The following SNX19 variants were observed in gnomAD, a reference collection of about 807,000 sequenced individuals.
SNX19 encodes sorting nexin 19.
SNX19 carries 60 observed loss-of-function variants against 85.2 expected under a neutral mutation model. That is an observed-to-expected ratio of 0.70 (90% CI 0.57 to 0.87). The LOEUF is 0.87. Among genes scored for constraint, SNX19 ranks in the 40% least tolerant of loss-of-function variants. The probability of loss-of-function intolerance (pLI) is 0.00; values close to 1 mark genes in which losing one functional copy is unlikely to be tolerated. For missense variants in SNX19, 1,201 were observed against 1,217.8 expected, an observed-to-expected ratio of 0.99 and a Z score of 0.21; for synonymous variants, 520 against 470.0, an observed-to-expected ratio of 1.11 and a Z score of -1.38.
intron 8 of SNX19, among the ~76,000 whole-genome samples, chr11:130,889,577 C>A (rs944013833): frequency 3.9e-5 from 6 of 152,154 alleles, no homozygotes; most frequent in African/African-American, 1.4e-4. Context: ...TCTGTTCTTA[C>A]AGCATGTAAA....
chr11:130,877,603 A>C lies in SNX19; in HGVS notation c.*819T>G, dbSNP rs1233646522. ...CTTGTCATGCAGTTTTGCTGAAGAC[A>C]GAGAGAGGGTCAAAAATTCAAAAAC... is the stretch of plus-strand genomic sequence containing the variant. On this transcript the variant is annotated 3_prime_UTR_variant, in exon 11 of 11. Transcript: ENST00000265909. 5.9e-5 allele frequency: 9 copies of C among 152,592 alleles called. No individual in the cohort carries two copies. Among genetic ancestry groups the C allele is most frequent in the African/African-American group, 2.2e-4 (9 of 41,458 alleles). 9.5% of individuals were successfully genotyped at this position (152,592 alleles called of 1,614,324 possible). A position where few individuals can be genotyped will look rare whatever the true frequency, so the allele number is the denominator to read the frequency against.
chr11:130,906,940 A>G lies in SNX19; in HGVS notation c.2166-219T>C, dbSNP rs184518903. ...ATAGATAATGTTAACGCATACACTA[A>G]GCTATGTCTACAGTGCACTTGTGAA... On this transcript the variant is annotated intron_variant, in intron 5 of 10. Transcript: ENST00000265909. Among the ~76,000 whole-genome samples the G allele has an allele frequency of 4.6e-5, 7 of 152,368 alleles. No homozygotes were observed. In the East Asian group the frequency reaches 1.2e-3, roughly 25 times the overall value.
At chr11:130,878,837 A>G (rs1035175704) in intron 10 of SNX19, among the ~76,000 whole-genome samples, 1 of 152,242 alleles carries the variant, frequency 6.6e-6, no homozygotes, top group East Asian at 1.9e-4. Context: ...GAACTGTGAT[A>G]ACAAATCCTT....
chr11:130,890,153 G>A (rs1185500193), intron 8 of SNX19, among the ~76,000 whole-genome samples: 1 of 152,100 alleles, frequency 6.6e-6, no homozygotes, highest in Non-Finnish European at 1.5e-5. Context: ...TCTGCAAGGT[G>A]GAAAACTGTG....
intron 7 of SNX19, among the ~76,000 whole-genome samples, chr11:130,904,694 A>ATTTTTTTTTTTTTTTTTTTT (rs34208870): frequency 6.7e-6 from 1 of 148,776 alleles, no homozygotes. Context: ...AAAATGGTAG[A>ATTTTTTTTTTTTTTTTTTTT]TTTTTTTTTG....
chr11:130,879,456 TAG>T (rs3831404), intron 10 of SNX19, among the ~76,000 whole-genome samples, 166 bp downstream of exon 10: 93,658 of 151,772 alleles, frequency 0.62, 29,818 homozygotes, highest in African/African-American at 0.77. Context: ...GGATTTTACT[TAG>T]AGTGTGTGGA....
At position 130,889,662 on chromosome 11, in the gene SNX19, C is replaced by G. The variant is rs1232121046; in HGVS notation, c.2574-8856G>C. On this transcript the variant is annotated intron_variant, in intron 8 of 10. Coordinates refer to ENST00000265909, the MANE Select transcript of SNX19 (RefSeq NM_014758.3). ...TCTATCTCTGCTTTCCTTTCTGTGT[C>G]AGCTGTTTTTCTCAATATCCAGTTT... Among the ~76,000 whole-genome samples the G allele has an allele frequency of 2.0e-5, 3 of 152,102 alleles. No individual in the cohort carries two copies. The East Asian group carries it at 5.8e-4, about 29-fold the overall frequency.
rs1354797916 is a variant in SNX19, at chr11:130,876,471, CAA to C, written c.*1949_*1950del. ...AATAAGTTCTTTGGGCTGGAAGTGT[CAA>C]AAGATTCCTTAGAATTTATAGCCAC... On this transcript the variant is annotated 3_prime_UTR_variant, in exon 11 of 11. Coordinates refer to ENST00000265909, the MANE Select transcript of SNX19 (RefSeq NM_014758.3). The C allele has an allele frequency of 2.0e-5, 3 of 152,518 alleles. No homozygotes were observed. Among genetic ancestry groups the C allele is most frequent in the African/African-American group, 7.3e-5 (3 of 41,372 alleles). 9.4% of individuals were successfully genotyped at this position (152,518 alleles called of 1,614,324 possible). A position where few individuals can be genotyped will look rare whatever the true frequency, so the allele number is the denominator to read the frequency against.
chr11:130,880,834 G>C, intron 8 of SNX19, 28 bp from the exon 9 acceptor site: 1 of 1,513,774 alleles, frequency 6.6e-7, no homozygotes, highest in Non-Finnish European at 9.0e-7. Context: ...CGAAAGCTTA[G>C]ATAAAGCTGA....
At chr11:130,891,213 A>G (rs572666010) in intron 8 of SNX19, among the ~76,000 whole-genome samples, 7 of 152,260 alleles carry the variant, frequency 4.6e-5, no homozygotes, top group Admixed American at 2.0e-4. Context: ...TTTCCTAATA[A>G]TCTTTTGTTT....
In SNX19 at chr11:130,878,410, G is replaced by A. The variant is rs376090100; in HGVS notation, c.*12C>T. On this transcript the variant is annotated 3_prime_UTR_variant, in exon 11 of 11. Transcript: ENST00000265909. ...TACTTCCCTGACCTGGGAAGAAGGC[G>A]TGAATAACCAGCTAAGAGGAGACAC... The A allele has an allele frequency of 1.2e-5, 20 of 1,612,320 alleles. No homozygotes were observed. The highest frequency in any genetic ancestry group is 8.8e-5 in the South Asian group (8 of 90,882).
chr11:130,883,670 T>C (rs1209902230), intron 8 of SNX19, among the ~76,000 whole-genome samples: 1 of 152,024 alleles, frequency 6.6e-6, no homozygotes, highest in Non-Finnish European at 1.5e-5. Context: ...TGCCCACCCT[T>C]CCCCCTGTCA....
At chr11:130,901,651 G>T (rs1389251590) in intron 8 of SNX19, among the ~76,000 whole-genome samples, 1 of 152,174 alleles carries the variant, frequency 6.6e-6, no homozygotes, top group Non-Finnish European at 1.5e-5. Context: ...AGTAAGAAAG[G>T]AGGTGGAATT....
intron 7 of SNX19, among the ~76,000 whole-genome samples, chr11:130,904,744 T>C (rs1257859117): frequency 1.3e-5 from 2 of 151,674 alleles, no homozygotes; most frequent in Non-Finnish European, 2.9e-5. Context: ...CTCTCAGAGA[T>C]AGAAGAAGGG....
At chr11:130,911,797 T>A in intron 1 of SNX19, 26 bp from the exon 2 acceptor site, 1 of 1,609,146 alleles carries the variant, frequency 6.2e-7, no homozygotes, top group Non-Finnish European at 8.5e-7. Context: ...ATTGATTGAC[T>A]CAATCAGCCG....
rs370992917 is a variant in SNX19, at chr11:130,878,397, C to G, written c.*25G>C. 1 of 1,610,710 alleles carries G rather than the reference C, an allele frequency of 6.2e-7. No individual in the cohort carries two copies. The highest frequency in any genetic ancestry group is 1.7e-5 in the Admixed American group (1 of 59,726). On this transcript the variant is annotated 3_prime_UTR_variant, in exon 11 of 11. Coordinates refer to ENST00000265909, the MANE Select transcript of SNX19 (RefSeq NM_014758.3). ...GGCCGAGTAACTCTACTTCCCTGAC[C>G]TGGGAAGAAGGCGTGAATAACCAGC... is the stretch of plus-strand genomic sequence containing the variant.
intron 6 of SNX19, 83 bp downstream of exon 6, chr11:130,906,542 C>T (rs1473260): frequency 0.64 from 617,382 of 962,274 alleles, 200,372 homozygotes; most frequent in South Asian, 0.79. Flanking sequence ...TTTCTGACTT[C>T]AGAGAATATC....
chr11:130,909,089 CAG>C (rs1170357435), intron 4 of SNX19, among the ~76,000 whole-genome samples: 1 of 152,188 alleles, frequency 6.6e-6, no homozygotes, highest in Non-Finnish European at 1.5e-5. Context: ...TCCAGGATCA[CAG>C]AACTGTAGTC....
rs774321293 is a variant in SNX19 at position 130,914,782 on chromosome 11, C to T, written c.1158G>A (p.Met386Ile). Residue 386 changes from methionine to isoleucine, a missense_variant, in exon 1 of 11, where the codon ATG becomes ATA. Coordinates refer to ENST00000265909, the MANE Select transcript of SNX19 (RefSeq NM_014758.3). Reference sequence around the variant, plus strand: ...AGAGAAAGCTGCCTGGAGTCATGAGCATGATGGTTTCTTTGCCCAGTTCAG... The same window carrying T: ...AGAGAAAGCTGCCTGGAGTCATGAGTATGATGGTTTCTTTGCCCAGTTCAG... ...PLSELGKETI[M>I]LMTPGSFLSD... 6.2e-7 allele frequency: 1 copy of T among 1,614,238 alleles called. No homozygotes were observed. Among genetic ancestry groups the T allele is most frequent in the Admixed American group, 1.7e-5 (1 of 60,032 alleles).
Sources: allele counts gnomAD v4.1 joint callset (sites outside exome capture counted in the v4.1 genomes callset), GRCh38; gene constraint gnomAD v4.1.1; transcripts MANE v1.5; gene names NCBI Gene and HGNC (gene_info 2026-07-23, HGNC 2026-07-21).